PLPP4: variants seen among roughly 807,000 people sequenced by gnomAD.
The protein encoded by PLPP4 is diacylglycerol pyrophosphate like 2.
A neutral mutation model predicts 32.2 loss-of-function variants in PLPP4; 20 were observed. The ratio of observed to expected loss-of-function variants is 0.62; its 90% CI spans 0.44 to 0.90. The LOEUF (loss-of-function observed/expected upper bound fraction) is 0.90, where lower values mean the gene tolerates loss of function less well. Among genes scored for constraint, PLPP4 ranks in the 40% least tolerant of loss-of-function variants. The pLI is 0.00. For missense variants in PLPP4, 257 were observed against 353.1 expected (o/e 0.73, Z 2.18); for synonymous variants, 127 against 133.0 (o/e 0.95, Z 0.31).
chr10:120,589,555 C>A lies in PLPP4; in HGVS notation c.*53C>A. ...GCCCTGGGCACATCTGCCACCCTGACATCATAACACAATAGAAATGGTTTT... is the reference window on the plus strand; with the variant it reads ...GCCCTGGGCACATCTGCCACCCTGAAATCATAACACAATAGAAATGGTTTT... On this transcript the variant is annotated 3_prime_UTR_variant, in exon 7 of 7. Coordinates refer to ENST00000398250, the MANE Select transcript of PLPP4 (RefSeq NM_001030059.3). 1 of 1,349,374 alleles carries A rather than the reference C, an allele frequency of 7.4e-7. No homozygotes were observed. Among genetic ancestry groups the A allele is most frequent in the Non-Finnish European group, 1.0e-6 (1 of 958,148 alleles). The allele number at this position is 1,349,374 out of a possible 1,614,324, so 83.6% of individuals were successfully genotyped here. A position where few individuals can be genotyped will look rare whatever the true frequency, so the allele number is the denominator to read the frequency against.
rs189114624 is a variant in PLPP4, at chr10:120,533,886, C to T, written c.445+12791C>T. Among the ~76,000 whole-genome samples the T allele has an allele frequency of 2.2e-3, 329 of 152,218 alleles. 2 individuals are homozygous for T. Among genetic ancestry groups the T allele is most frequent in the Non-Finnish European group, 3.0e-3 (202 of 67,970 alleles). Reference sequence around the variant, plus strand: ...AGTCCAATCCGACTTTGCTCCCACCCAGTTCTTTTGTGCTGCTATTAGCAA... The same window carrying T: ...AGTCCAATCCGACTTTGCTCCCACCTAGTTCTTTTGTGCTGCTATTAGCAA... On this transcript the variant is annotated intron_variant, in intron 5 of 6. Transcript: ENST00000398250.
chr10:120,590,273 C>T lies in PLPP4; in HGVS notation c.*771C>T, dbSNP rs953699534. Among the ~76,000 whole-genome samples the T allele has an allele frequency of 1.8e-4, 28 of 152,114 alleles. No individual in the cohort carries two copies. Among genetic ancestry groups the T allele is most frequent in the Non-Finnish European group, 3.8e-4 (26 of 68,022 alleles). Reference sequence around the variant, plus strand: ...CCTCATACAGTGAATTTTTGGGGCACGGGGGCTTTACTTGGCTCTTCTGCA... The same window carrying T: ...CCTCATACAGTGAATTTTTGGGGCATGGGGGCTTTACTTGGCTCTTCTGCA... On this transcript the variant is annotated 3_prime_UTR_variant, in exon 7 of 7. Transcript: ENST00000398250.
chr10:120,570,419 T>G (rs2134038629), intron 5 of PLPP4, among the ~76,000 whole-genome samples: 1 of 152,306 alleles, frequency 6.6e-6, no homozygotes, highest in East Asian at 1.9e-4. Context: ...TTGTATAGAT[T>G]GACTCATCAG....
chr10:120,465,308 G>A lies in PLPP4; in HGVS notation c.56+7947G>A, dbSNP rs182697923. ...TGTCGTCATTCAACCAGAAGCTTCA[G>A]AGGTGTTAAGAGCAAGGTTTGGGAT... is the stretch of plus-strand genomic sequence containing the variant. On this transcript the variant is annotated intron_variant, in intron 1 of 6. Coordinates refer to ENST00000398250, the MANE Select transcript of PLPP4 (RefSeq NM_001030059.3). 2.0e-5 allele frequency among the ~76,000 whole-genome samples: 3 copies of A among 152,344 alleles called. No individual in the cohort carries two copies. The East Asian group carries it at 5.8e-4, about 29-fold the overall frequency.
rs183163849 is a variant in PLPP4 at position 120,554,074 on chromosome 10, T to A, written c.446-21057T>A. ...CTGCCAACTTTCTAAATTTTTATGT[T>A]CTGCTTTCCTTTTAAATATAAGTTT... On this transcript the variant is annotated intron_variant, in intron 5 of 6. Coordinates refer to ENST00000398250, the MANE Select transcript of PLPP4 (RefSeq NM_001030059.3). 3.1e-3 allele frequency among the ~76,000 whole-genome samples: 474 copies of A among 152,368 alleles called. 2 individuals are homozygous for A. The highest frequency in any genetic ancestry group is 0.011 in the African/African-American group (443 of 41,584).
intron 5 of PLPP4, among the ~76,000 whole-genome samples, chr10:120,524,995 T>G (rs1375553520): frequency 6.6e-6 from 1 of 152,210 alleles, no homozygotes; most frequent in Non-Finnish European, 1.5e-5. Flanking sequence ...ACTTCTTTCC[T>G]GTGAAAATGG....
intron 1 of PLPP4, among the ~76,000 whole-genome samples, chr10:120,478,928 T>C (rs555212160): frequency 6.6e-6 from 1 of 152,278 alleles, no homozygotes; most frequent in African/African-American, 2.4e-5. Flanking sequence ...GATAAGGAAA[T>C]TCTGAGTCAA....
intron 3 of PLPP4, 85 bp downstream of exon 3, chr10:120,514,086 C>A: frequency 1.9e-6 from 2 of 1,050,172 alleles, no homozygotes; most frequent in South Asian, 1.3e-5. Flanking sequence ...TTACACCCAA[C>A]TGATTTTTTT....
chr10:120,555,093 G>A (rs1175816231), intron 5 of PLPP4, among the ~76,000 whole-genome samples: 1 of 152,066 alleles, frequency 6.6e-6, no homozygotes, highest in African/African-American at 2.4e-5. Context: ...AATGTGGGGG[G>A]TGGGGGTGGA....
chr10:120,532,193 A>G (rs1327908852), intron 5 of PLPP4, among the ~76,000 whole-genome samples: 2 of 152,160 alleles, frequency 1.3e-5, no homozygotes, highest in Non-Finnish European at 2.9e-5. Flanking sequence ...TAGTTTACTA[A>G]GAATGATGGT....
chr10:120,565,584 A>G (rs921290795), intron 5 of PLPP4, among the ~76,000 whole-genome samples: 1 of 151,988 alleles, frequency 6.6e-6, no homozygotes, highest in Admixed American at 6.6e-5. Context: ...TCCTTTCTGC[A>G]TGTCTTTAAC....
intron 1 of PLPP4, among the ~76,000 whole-genome samples, chr10:120,470,972 G>T (rs970139292): frequency 6.6e-6 from 1 of 152,166 alleles, no homozygotes; most frequent in East Asian, 1.9e-4. Context: ...ATTGTATTGA[G>T]ACCAGAGATT....
chr10:120,483,480 G>A (rs1168412776), intron 1 of PLPP4, among the ~76,000 whole-genome samples: 3 of 152,224 alleles, frequency 2.0e-5, no homozygotes, highest in Non-Finnish European at 2.9e-5. Flanking sequence ...AAAGCACTTA[G>A]AATGTCCCAG....
At chr10:120,561,386 T>A (rs1463872308) in intron 5 of PLPP4, among the ~76,000 whole-genome samples, 1 of 152,190 alleles carries the variant, frequency 6.6e-6, no homozygotes, top group East Asian at 1.9e-4. Context: ...TGATATTCAC[T>A]GACCTACAAC....
At chr10:120,536,671 CAA>C (rs35552215) in intron 5 of PLPP4, among the ~76,000 whole-genome samples, 1 of 124,726 alleles carries the variant, frequency 8.0e-6, no homozygotes, top group African/African-American at 3.0e-5. Context: ...AAAGCACAGG[CAA>C]AAAAAAAAAA....
intron 5 of PLPP4, among the ~76,000 whole-genome samples, chr10:120,538,004 C>T (rs1160949380): frequency 1.2e-4 from 1 of 8,120 alleles, no homozygotes; most frequent in Non-Finnish European, 3.0e-4. Context: ...CTCTCTCTCT[C>T]TCTCTCTCTC....
At chr10:120,510,830 A>G (rs554312745) in intron 2 of PLPP4, among the ~76,000 whole-genome samples, 1 of 152,312 alleles carries the variant, frequency 6.6e-6, no homozygotes, top group East Asian at 1.9e-4. Flanking sequence ...TGATTCACGG[A>G]CTGTGCTGCC....
intron 1 of PLPP4, among the ~76,000 whole-genome samples, chr10:120,468,240 C>T (rs78563580): frequency 0.049 from 3,192 of 64,608 alleles, 1,051 homozygotes; most frequent in African/African-American, 0.099. Context: ...TATGTGATTC[C>T]ATAGCAATGC....
chr10:120,482,663 G>A (rs1844260938), intron 1 of PLPP4, among the ~76,000 whole-genome samples: 1 of 152,126 alleles, frequency 6.6e-6, no homozygotes, highest in Non-Finnish European at 1.5e-5. Flanking sequence ...CCAGCATTTT[G>A]GGAGGCTGAG....
Sources: allele counts gnomAD v4.1 joint callset (sites outside exome capture counted in the v4.1 genomes callset), GRCh38; gene constraint gnomAD v4.1.1; transcripts MANE v1.5; gene names NCBI Gene and HGNC (gene_info 2026-07-23, HGNC 2026-07-21).